OLFM3: variants seen among roughly 807,000 people sequenced by gnomAD.
OLFM3 encodes the protein olfactomedin 3, also known as noelin-3.
A neutral mutation model predicts 48.6 loss-of-function variants in OLFM3; 20 were observed. The ratio of observed to expected loss-of-function variants is 0.41; its 90% CI spans 0.29 to 0.60. The LOEUF (loss-of-function observed/expected upper bound fraction) is 0.60. OLFM3 is among the 20% of genes least tolerant of loss of function. The pLI is 0.28. For synonymous variants in OLFM3, 222 were observed against 198.1 expected, an observed-to-expected ratio of 1.12 and a Z score of -1.01; for missense variants, 437 against 544.3, an observed-to-expected ratio of 0.80 and a Z score of 1.96.
intron 1 of OLFM3, among the ~76,000 whole-genome samples, chr1:101,935,925 C>T (rs1659600388): frequency 6.6e-6 from 1 of 152,118 alleles, no homozygotes; most frequent in Non-Finnish European, 1.5e-5. Flanking sequence ...TTCAACGTCC[C>T]TTTGTGTTAA....
intron 1 of OLFM3, among the ~76,000 whole-genome samples, chr1:101,919,152 C>T (rs1336801): frequency 0.091 from 13,780 of 151,716 alleles, 833 homozygotes; most frequent in East Asian, 0.22. Flanking sequence ...AAATTTCTTG[C>T]GCTGACTTGT....
chr1:101,947,495 G>A (rs12124228), intron 1 of OLFM3, among the ~76,000 whole-genome samples: 60,999 of 151,932 alleles, frequency 0.4, 12,527 homozygotes, highest in East Asian at 0.51. Flanking sequence ...TTTACCAAGT[G>A]TGTTGGCTCA....
chr1:101,870,283 A>T (rs2100975069), intron 1 of OLFM3, among the ~76,000 whole-genome samples: 1 of 152,206 alleles, frequency 6.6e-6, no homozygotes, highest in South Asian at 2.1e-4. Flanking sequence ...ATTACCTTAA[A>T]ATTTTTCCAT....
At chr1:101,818,482 G>A (rs1035591184) in intron 4 of OLFM3, among the ~76,000 whole-genome samples, 10 of 151,950 alleles carry the variant, frequency 6.6e-5, no homozygotes, top group African/African-American at 2.4e-4. Flanking sequence ...GACTGTTTTT[G>A]GTAAATGACT....
At chr1:101,933,352 C>A (rs374184398) in intron 1 of OLFM3, among the ~76,000 whole-genome samples, 1 of 150,872 alleles carries the variant, frequency 6.6e-6, no homozygotes, top group South Asian at 2.1e-4. Context: ...ACCAAACTGA[C>A]GAAAGAATCT....
chr1:101,846,808 A>T, intron 1 of OLFM3: 1 of 1,501,606 alleles, frequency 6.7e-7, no homozygotes, highest in Non-Finnish European at 9.3e-7. Context: ...AAATGCACTT[A>T]CTTCTCAAGA....
intron 1 of OLFM3, among the ~76,000 whole-genome samples, chr1:101,852,996 T>A (rs1382856400): frequency 2.0e-5 from 3 of 152,138 alleles, no homozygotes; most frequent in Non-Finnish European, 4.4e-5. Context: ...TGACTTTGTA[T>A]CACTTGTTAC....
intron 1 of OLFM3, among the ~76,000 whole-genome samples, chr1:101,870,292 A>AT (rs1553175255): frequency 6.6e-6 from 1 of 152,158 alleles, no homozygotes; most frequent in Non-Finnish European, 1.5e-5. Context: ...AAATTTTTCC[A>AT]TAATTCATCA....
intron 1 of OLFM3, among the ~76,000 whole-genome samples, chr1:101,944,279 A>C (rs1365607413): frequency 1.3e-5 from 2 of 152,258 alleles, no homozygotes; most frequent in Non-Finnish European, 2.9e-5. Flanking sequence ...AGACCAGAAC[A>C]TACACTAAAA....
At chr1:101,944,995 C>A (rs970751229) in intron 1 of OLFM3, among the ~76,000 whole-genome samples, 1 of 152,040 alleles carries the variant, frequency 6.6e-6, no homozygotes, top group Non-Finnish European at 1.5e-5. Flanking sequence ...CAATGATATA[C>A]CACTACACAC....
chr1:101,900,415 G>T (rs1468200416), intron 1 of OLFM3, among the ~76,000 whole-genome samples: 2 of 152,108 alleles, frequency 1.3e-5, no homozygotes, highest in African/African-American at 4.8e-5. Flanking sequence ...TGGAATAAGG[G>T]AAAGGGAAGG....
chr1:101,884,743 C>T (rs1265512699), intron 1 of OLFM3, among the ~76,000 whole-genome samples: 1 of 151,960 alleles, frequency 6.6e-6, no homozygotes, highest in African/African-American at 2.4e-5. Flanking sequence ...GGAATGGTTC[C>T]ATTGATGCTT....
chr1:101,993,404 T>C (rs994042219), intron 1 of OLFM3, among the ~76,000 whole-genome samples: 1 of 151,886 alleles, frequency 6.6e-6, no homozygotes, highest in African/African-American at 2.4e-5. Flanking sequence ...GCAGCCGCCC[T>C]CAGAAATTCC....
At chr1:101,899,537 C>A (rs765203423) in intron 1 of OLFM3, among the ~76,000 whole-genome samples, 80 of 152,136 alleles carry the variant, frequency 5.3e-4, no homozygotes, top group Non-Finnish European at 1.1e-3. Flanking sequence ...GACATAAATA[C>A]AAGGAATTTG....
chr1:101,946,772 G>A (rs2101065775), intron 1 of OLFM3, among the ~76,000 whole-genome samples: 1 of 152,148 alleles, frequency 6.6e-6, no homozygotes, highest in African/African-American at 2.4e-5. Context: ...AAATAAAATG[G>A]AAACTTTAGT....
intron 1 of OLFM3, among the ~76,000 whole-genome samples, chr1:101,929,774 T>C (rs1396825468): frequency 1.3e-5 from 2 of 152,124 alleles, no homozygotes; most frequent in African/African-American, 4.8e-5. Context: ...TTCCAAGTCT[T>C]TTGCAAAATA....
At chr1:101,854,432 A>G (rs1029554691) in intron 1 of OLFM3, among the ~76,000 whole-genome samples, 2 of 152,076 alleles carry the variant, frequency 1.3e-5, no homozygotes, top group Non-Finnish European at 2.9e-5. Context: ...CTGATGCTCT[A>G]TAAGCCCGGG....
rs562136583 is a variant in OLFM3 at position 101,954,239 on chromosome 1, T to C, written c.69+42509A>G. ...AACAGAATTATAACCCAAAAGCAAA[T>C]TGCTTTTCTATCTTATGTCACAGAA... is the stretch of plus-strand genomic sequence containing the variant. On this transcript the variant is annotated intron_variant, in intron 1 of 5. Transcript: ENST00000370103. Among the ~76,000 whole-genome samples the C allele has an allele frequency of 4.0e-4, 61 of 152,200 alleles. No homozygotes were observed. The South Asian group carries it at 4.8e-3, about 12-fold the overall frequency.
intron 1 of OLFM3, among the ~76,000 whole-genome samples, chr1:101,900,958 A>C (rs1658368897): frequency 6.6e-6 from 1 of 152,118 alleles, no homozygotes; most frequent in Non-Finnish European, 1.5e-5. Context: ...GAAATGCAAT[A>C]ATTGGTTATG....
Sources: gnomAD v4.1 joint callset for allele counts (sites outside exome capture counted in the v4.1 genomes callset) on GRCh38, gnomAD v4.1.1 for gene constraint, MANE v1.5 for transcripts, NCBI Gene and HGNC (gene_info 2026-07-23, HGNC 2026-07-21) for gene names.